The following HS3ST5 variants were observed in gnomAD, a reference collection of about 807,000 sequenced individuals.
HS3ST5 encodes the protein heparan sulfate glucosamine 3-O-sulfotransferase 5.
In HS3ST5, 10 loss-of-function variants were observed where a neutral mutation model predicts 25.4. The ratio of observed to expected loss-of-function variants is 0.39; its 90% CI spans 0.24 to 0.67. The LOEUF (loss-of-function observed/expected upper bound fraction) is 0.67. HS3ST5 is among the 30% of genes least tolerant of loss of function. The pLI is 0.44. For synonymous variants in HS3ST5, 170 were observed against 162.4 expected, an observed-to-expected ratio of 1.05 and a Z score of -0.36; for missense variants, 324 against 420.7, an observed-to-expected ratio of 0.77 and a Z score of 2.01.
chr6:114,091,548 G>C lies in HS3ST5; in HGVS notation c.-32-28671C>G, dbSNP rs299406. ...AAATACAGAAAATTAGCTGGGCATC[G>C]TGGTGGGCACCTGTAGTCCCAGCTA... On this transcript the variant is annotated intron_variant, in intron 3 of 4. Transcript: ENST00000312719. 2.9e-3 allele frequency among the ~76,000 whole-genome samples: 441 copies of C among 152,034 alleles called. 3 individuals carry two copies. The highest frequency in any genetic ancestry group is 1.0e-2 in the African/African-American group (414 of 41,466).
intron 3 of HS3ST5, among the ~76,000 whole-genome samples, chr6:114,105,544 G>A (rs1300556229): frequency 1.3e-5 from 2 of 151,846 alleles, no homozygotes; most frequent in Non-Finnish European, 2.9e-5. Flanking sequence ...TTATTTGATC[G>A]GGAAATGTAA....
At position 114,057,677 on chromosome 6, in the gene HS3ST5, A is replaced by G. The variant is rs2114690829; in HGVS notation, c.621T>C (p.Tyr207=). ...CTATGGCCAGCTTCTCAAACTTGTA[A>G]TAAGTTTTGTTCTTCCTCTCCTTCC... ...LEGKERKNKT[Y]YKFEKLAIDP... is the part of the protein sequence containing the mutation. Residue 207 remains tyrosine (Y), a synonymous_variant, in exon 5 of 5, where the codon TAT becomes TAC. Coordinates refer to ENST00000312719, the MANE Select transcript of HS3ST5 (RefSeq NM_153612.4). The G allele has an allele frequency of 1.2e-6, 2 of 1,614,168 alleles. No homozygotes were observed. Among genetic ancestry groups the G allele is most frequent in the Non-Finnish European group, 1.7e-6 (2 of 1,180,022 alleles).
At chr6:114,287,433 T>G (rs1382844847) in intron 1 of HS3ST5, among the ~76,000 whole-genome samples, 3 of 152,032 alleles carry the variant, frequency 2.0e-5, no homozygotes, top group African/African-American at 7.2e-5. Context: ...CCAGAGATTG[T>G]GCTGGAGACA....
intron 1 of HS3ST5, chr6:114,230,036 G>A (rs1771501959): frequency 6.6e-6 from 1 of 151,300 alleles, no homozygotes; most frequent in Non-Finnish European, 1.5e-5. Flanking sequence ...CGGTTGCAAT[G>A]ATAGCTACTG....
intron 1 of HS3ST5, among the ~76,000 whole-genome samples, chr6:114,290,630 T>A (rs1774533960): frequency 6.6e-6 from 1 of 152,160 alleles, no homozygotes; most frequent in African/African-American, 2.4e-5. Flanking sequence ...GAATTTTTTT[T>A]AATGTGATTT....
At chr6:114,120,808 G>C (rs932815254) in intron 3 of HS3ST5, among the ~76,000 whole-genome samples, 3 of 152,134 alleles carry the variant, frequency 2.0e-5, no homozygotes, top group Admixed American at 6.5e-5. Flanking sequence ...TATAGGTGAG[G>C]GTAGAAATTT....
chr6:114,317,489 C>T (rs1775788255), intron 1 of HS3ST5, among the ~76,000 whole-genome samples: 1 of 152,070 alleles, frequency 6.6e-6, no homozygotes, highest in African/African-American at 2.4e-5. Context: ...GGAAAATACT[C>T]TTTCTTCTGG....
intron 3 of HS3ST5, among the ~76,000 whole-genome samples, chr6:114,066,726 C>T (rs1339401575): frequency 6.6e-6 from 1 of 152,134 alleles, no homozygotes; most frequent in African/African-American, 2.4e-5. Flanking sequence ...CTTCAGTCAC[C>T]AAGGTCAGTA....
intron 3 of HS3ST5, among the ~76,000 whole-genome samples, chr6:114,091,944 CTGAGA>C (rs1341780644): frequency 1.3e-5 from 2 of 152,164 alleles, no homozygotes; most frequent in Middle Eastern, 3.2e-3. Flanking sequence ...GCAATGCTGT[CTGAGA>C]TAAGTGGCCT....
chr6:114,127,588 T>A (rs1000065728), intron 3 of HS3ST5, among the ~76,000 whole-genome samples: 1 of 152,074 alleles, frequency 6.6e-6, no homozygotes, highest in Non-Finnish European at 1.5e-5. Context: ...TTGAGAACTA[T>A]CAAAATTACC....
chr6:114,092,900 C>G (rs1215150281), intron 3 of HS3ST5, among the ~76,000 whole-genome samples: 1 of 152,068 alleles, frequency 6.6e-6, no homozygotes, highest in East Asian at 1.9e-4. Context: ...GTCTCGAACT[C>G]CTGACCTCAG....
chr6:114,266,562 G>A (rs1373033322), intron 1 of HS3ST5, among the ~76,000 whole-genome samples: 1 of 152,074 alleles, frequency 6.6e-6, no homozygotes, highest in Non-Finnish European at 1.5e-5. Flanking sequence ...CAATGTGTGG[G>A]TTTATTTTTC....
intron 1 of HS3ST5, among the ~76,000 whole-genome samples, chr6:114,239,570 G>C (rs1191688296): frequency 6.6e-6 from 1 of 152,188 alleles, no homozygotes; most frequent in Admixed American, 6.5e-5. Flanking sequence ...GGAGACAGGA[G>C]TTGCGTTTGA....
intron 2 of HS3ST5, among the ~76,000 whole-genome samples, chr6:114,205,463 A>AATG (rs955357103): frequency 9.9e-5 from 15 of 152,156 alleles, no homozygotes; most frequent in African/African-American, 3.6e-4. Flanking sequence ...CTGCCCTCCC[A>AATG]ATGTATCAAC....
chr6:114,233,542 CT>C (rs899611887), intron 1 of HS3ST5, among the ~76,000 whole-genome samples: 1 of 152,158 alleles, frequency 6.6e-6, no homozygotes, highest in Non-Finnish European at 1.5e-5. Flanking sequence ...AAAGAAGCTG[CT>C]TTTCTACATG....
intron 1 of HS3ST5, among the ~76,000 whole-genome samples, chr6:114,284,055 T>G (rs1415175344): frequency 1.3e-5 from 2 of 151,962 alleles, no homozygotes; most frequent in African/African-American, 4.8e-5. Context: ...ATCAGGAATC[T>G]AATCTTAAAT....
intron 4 of HS3ST5, among the ~76,000 whole-genome samples, chr6:114,062,295 AAACTCGAT>A (rs1289184812): frequency 2.6e-5 from 4 of 152,182 alleles, no homozygotes; most frequent in African/African-American, 9.6e-5. Flanking sequence ...AATGGATTGC[AAACTCGAT>A]GAGCTCCTTT....
intron 1 of HS3ST5, among the ~76,000 whole-genome samples, chr6:114,260,938 T>TTTTAGAA (rs199795970): frequency 0.55 from 83,632 of 151,764 alleles, 23,298 homozygotes; most frequent in African/African-American, 0.65. Context: ...CATTAGTGCA[T>TTTTAGAA]CTCCACTCTA....
At chr6:114,293,584 G>A (rs934723816) in intron 1 of HS3ST5, among the ~76,000 whole-genome samples, 8 of 152,170 alleles carry the variant, frequency 5.3e-5, no homozygotes, top group Admixed American at 2.6e-4. Flanking sequence ...AGTTCATGGG[G>A]CAACTTAATT....
Sources: gnomAD v4.1 joint callset for allele counts (sites outside exome capture counted in the v4.1 genomes callset) on GRCh38, gnomAD v4.1.1 for gene constraint, MANE v1.5 for transcripts, NCBI Gene and HGNC (gene_info 2026-07-23, HGNC 2026-07-21) for gene names.